SPATA17: variants seen among roughly 807,000 people sequenced by gnomAD.
The protein encoded by SPATA17 is spermatogenesis associated 17.
Under a neutral mutation model 62.2 loss-of-function variants are expected in SPATA17, and 53 were observed. That is an observed-to-expected ratio of 0.85 (90% confidence interval 0.68 to 1.07). The LOEUF is 1.07. Among genes scored for constraint, SPATA17 ranks in the 50% least tolerant of loss-of-function variants. The probability of loss-of-function intolerance (pLI) is 0.00; values close to 1 mark genes in which losing one functional copy is unlikely to be tolerated. For synonymous variants in SPATA17, 146 were observed against 146.8 expected (o/e 0.99, Z 0.04); for missense variants, 466 against 425.5 (o/e 1.10, Z -0.84).
intron 6 of SPATA17, among the ~76,000 whole-genome samples, chr1:217,756,524 C>G (rs1211956559): frequency 6.6e-6 from 1 of 152,162 alleles, no homozygotes; most frequent in East Asian, 1.9e-4. Context: ...AAAGGGACTA[C>G]TTTAAGAATA....
At chr1:217,855,795 C>T (rs1009950305) in intron 9 of SPATA17, among the ~76,000 whole-genome samples, 27 of 142,702 alleles carry the variant, frequency 1.9e-4, no homozygotes, top group Admixed American at 4.5e-4. Flanking sequence ...GGCATGATCT[C>T]AGCTCACTGC....
intron 9 of SPATA17, among the ~76,000 whole-genome samples, chr1:217,844,085 C>T (rs933130945): frequency 6.6e-6 from 1 of 152,120 alleles, no homozygotes; most frequent in Non-Finnish European, 1.5e-5. Flanking sequence ...GACGCAGTTT[C>T]GTAGATACTG....
rs575098369 is a variant in SPATA17, at chr1:217,667,575, G to A, written c.241-1458G>A. On this transcript the variant is annotated intron_variant, in intron 3 of 10. Coordinates refer to ENST00000366933, the MANE Select transcript of SPATA17 (RefSeq NM_138796.4). The stretch of plus-strand genomic sequence containing the variant: ...GTAAGTTGTTCACGGCCACACAGCT[G>A]TTAAAAGCAAAGCCAGGAATTGAAC... Among the ~76,000 whole-genome samples, 6 of 152,234 alleles carry A rather than the reference G, an allele frequency of 3.9e-5. No homozygotes were observed. In the South Asian group the frequency reaches 1.2e-3, roughly 32 times the overall value.
intron 8 of SPATA17, among the ~76,000 whole-genome samples, chr1:217,789,807 C>T (rs1428173848): frequency 6.6e-6 from 1 of 151,972 alleles, no homozygotes; most frequent in African/African-American, 2.4e-5. Context: ...GGCTGAGCCA[C>T]GTGGATCACT....
Position 217,647,301 on chromosome 1 carries a change from G to C in SPATA17, c.69-1581G>C, listed in dbSNP as rs113375359. Reference sequence around the variant, plus strand: ...CAACTATGTCATCCTAAAGTAGGGAGAGGTTTCAATGTTGGGAGTAGATCT... The same window carrying C: ...CAACTATGTCATCCTAAAGTAGGGACAGGTTTCAATGTTGGGAGTAGATCT... On this transcript the variant is annotated intron_variant, in intron 1 of 10. Coordinates refer to ENST00000366933, the MANE Select transcript of SPATA17 (RefSeq NM_138796.4). 7.2e-3 allele frequency among the ~76,000 whole-genome samples: 1,097 copies of C among 152,306 alleles called. 14 individuals are homozygous for C. Among genetic ancestry groups the C allele is most frequent in the African/African-American group, 0.025 (1,043 of 41,562 alleles).
chr1:217,828,766 A>G (rs1022260665), intron 9 of SPATA17, among the ~76,000 whole-genome samples: 5 of 152,144 alleles, frequency 3.3e-5, no homozygotes, highest in African/African-American at 1.2e-4. Context: ...AAATAAGCCA[A>G]TTAAAAAGTG....
At chr1:217,675,822 A>G (rs1670935026) in intron 4 of SPATA17, among the ~76,000 whole-genome samples, 1 of 152,154 alleles carries the variant, frequency 6.6e-6, no homozygotes, top group Non-Finnish European at 1.5e-5. Context: ...TAGTAAATGA[A>G]AGTGTTAGAC....
Position 217,851,895 on chromosome 1 carries a change from A to G in SPATA17, c.1006-10879A>G, listed in dbSNP as rs180753607. Among the ~76,000 whole-genome samples the G allele has an allele frequency of 2.8e-3, 429 of 152,282 alleles. 3 individuals are homozygous for G. The highest frequency in any genetic ancestry group is 1.0e-2 in the African/African-American group (415 of 41,576). ...TAAGATAAGTCTAAAGTTGCCCTTC[A>G]TTTGTTAGCTATGCCTTTTAAATTA... is the stretch of plus-strand genomic sequence containing the variant. On this transcript the variant is annotated intron_variant, in intron 9 of 10. Coordinates refer to ENST00000366933, the MANE Select transcript of SPATA17 (RefSeq NM_138796.4).
chr1:217,650,251 C>T (rs1416156306), intron 2 of SPATA17, among the ~76,000 whole-genome samples: 1 of 151,668 alleles, frequency 6.6e-6, no homozygotes, highest in East Asian at 2.0e-4. Flanking sequence ...CAAGACTTCT[C>T]TTTTGGCCAC....
chr1:217,649,183 A>G (rs898477460), intron 2 of SPATA17, among the ~76,000 whole-genome samples: 3 of 152,080 alleles, frequency 2.0e-5, no homozygotes, highest in Non-Finnish European at 2.9e-5. Context: ...TTGCTTTTTA[A>G]AATTCTCAAT....
chr1:217,735,372 C>A (rs991747845), intron 5 of SPATA17, among the ~76,000 whole-genome samples: 36 of 152,186 alleles, frequency 2.4e-4, no homozygotes, highest in African/African-American at 8.2e-4. Context: ...GAGCATCTTT[C>A]TCATGTCTGT....
chr1:217,753,707 C>T (rs980831994), intron 6 of SPATA17, among the ~76,000 whole-genome samples: 1 of 151,694 alleles, frequency 6.6e-6, no homozygotes, highest in African/African-American at 2.4e-5. Flanking sequence ...CATATATACA[C>T]ACACAAATAC....
At chr1:217,786,731 A>T (rs1673872462) in intron 8 of SPATA17, among the ~76,000 whole-genome samples, 1 of 137,386 alleles carries the variant, frequency 7.3e-6, no homozygotes, top group African/African-American at 2.6e-5. Context: ...CTAAAATGAT[A>T]GAAGGATTTG....
At chr1:217,695,780 G>C (rs1173619220) in intron 5 of SPATA17, among the ~76,000 whole-genome samples, 24 of 84,754 alleles carry the variant, frequency 2.8e-4, no homozygotes, top group Non-Finnish European at 4.8e-4. Flanking sequence ...CCCCTGCTGG[G>C]GGGTGCCTCC....
rs1308068017 is a variant in SPATA17, at chr1:217,744,215, C to A, written c.519+2117C>A. ...CGGTGGCTCACGCCTGTAATCCCAG[C>A]ACTTTGGGAGGCCGAGGCGGGCGGA... On this transcript the variant is annotated intron_variant, in intron 6 of 10. Coordinates refer to ENST00000366933, the MANE Select transcript of SPATA17 (RefSeq NM_138796.4). Among the ~76,000 whole-genome samples the A allele has an allele frequency of 4.2e-5, 2 of 47,310 alleles. 1 individual carries two copies. The highest frequency in any genetic ancestry group is 9.7e-5 in the African/African-American group (2 of 20,608). The allele number at this position is 47,310 out of a possible 152,430, so 31.0% of individuals were successfully genotyped here.
intron 3 of SPATA17, among the ~76,000 whole-genome samples, chr1:217,658,922 C>T (rs1049165334): frequency 6.6e-6 from 1 of 151,960 alleles, no homozygotes; most frequent in African/African-American, 2.4e-5. Flanking sequence ...TTTCTATTGT[C>T]GCCTGAGCCA....
chr1:217,631,771 C>T (rs1312826592), intron 1 of SPATA17, among the ~76,000 whole-genome samples: 2 of 152,198 alleles, frequency 1.3e-5, no homozygotes, highest in African/African-American at 4.8e-5. Flanking sequence ...CTGGGGGTCA[C>T]CCTGACTCAC....
chr1:217,765,937 T>C (rs1316380371), intron 6 of SPATA17, among the ~76,000 whole-genome samples: 1 of 152,066 alleles, frequency 6.6e-6, no homozygotes, highest in Non-Finnish European at 1.5e-5. Context: ...TAATTTTCCT[T>C]ACTTTTAAGT....
intron 9 of SPATA17, among the ~76,000 whole-genome samples, chr1:217,823,696 C>A (rs564129275): frequency 2.0e-5 from 3 of 151,976 alleles, no homozygotes; most frequent in East Asian, 3.9e-4. Context: ...GTGTTCATTG[C>A]TGAAAATGGG....
Sources: allele counts gnomAD v4.1 joint callset (sites outside exome capture counted in the v4.1 genomes callset), GRCh38; gene constraint gnomAD v4.1.1; transcripts MANE v1.5; gene names NCBI Gene and HGNC (gene_info 2026-07-23, HGNC 2026-07-21).